The following RABGEF1 variants were observed in gnomAD, a reference collection of about 807,000 sequenced individuals.
RABGEF1 encodes the protein RAB guanine nucleotide exchange factor 1.
Under a neutral mutation model 57.3 loss-of-function variants are expected in RABGEF1, and 26 were observed. The ratio of observed to expected loss-of-function variants is 0.45; its 90% CI spans 0.33 to 0.63. The LOEUF (loss-of-function observed/expected upper bound fraction) is 0.63. Among genes scored for constraint, RABGEF1 ranks in the 20% least tolerant of loss-of-function variants. The pLI, the probability that RABGEF1 is intolerant of heterozygous loss-of-function variation, is 0.02. For synonymous variants in RABGEF1, 185 were observed against 210.7 expected (o/e 0.88, Z 1.06); for missense variants, 464 against 607.6 (o/e 0.76, Z 2.48).
intron 2 of RABGEF1, among the ~76,000 whole-genome samples, chr7:66,774,893 C>T (rs1303410840): frequency 2.6e-5 from 4 of 152,180 alleles, no homozygotes; most frequent in African/African-American, 9.7e-5. Context: ...AACTTTTACT[C>T]TCTGATGTAG....
At chr7:66,690,295 T>A (rs1791330066) in intron 1 of RABGEF1, among the ~76,000 whole-genome samples, 1 of 151,124 alleles carries the variant, frequency 6.6e-6, no homozygotes, top group African/African-American at 2.4e-5. Flanking sequence ...GAGATGGGGT[T>A]TCACCGTCTT....
intron 2 of RABGEF1, among the ~76,000 whole-genome samples, chr7:66,727,469 T>C (rs1380340148): frequency 3.9e-5 from 6 of 152,252 alleles, no homozygotes; most frequent in Admixed American, 3.3e-4. Flanking sequence ...AGCATTCTGC[T>C]CCTACCCTGC....
intron 4 of RABGEF1, among the ~76,000 whole-genome samples, chr7:66,794,973 T>C (rs907931869): frequency 5.3e-5 from 8 of 152,302 alleles, no homozygotes; most frequent in African/African-American, 1.7e-4. Context: ...AATACGTAGA[T>C]TTAGCAAAAA....
intron 7 of RABGEF1, 84 bp downstream of exon 7, chr7:66,799,498 A>G (rs1786794938): frequency 8.8e-7 from 1 of 1,136,278 alleles, no homozygotes; most frequent in South Asian, 1.4e-5. Flanking sequence ...ATACATTTGT[A>G]AAATGCAGAT....
At position 66,809,168 on chromosome 7, in the gene RABGEF1, G is replaced by A. The variant is rs749603235; in HGVS notation, c.1360G>A (p.Glu454Lys). 35 of 1,614,096 alleles carry A rather than the reference G, an allele frequency of 2.2e-5. No individual in the cohort carries two copies. Among genetic ancestry groups the A allele is most frequent in the Non-Finnish European group, 2.9e-5 (34 of 1,180,056 alleles). ...GIAREVQDIV[E>K]KYPLEIKPPN... ...TGCAAGAGAAGTTCAAGACATCGTTGAGAAATACCCACTGGAAATTAAGCC... is the reference window on the plus strand; with the variant it reads ...TGCAAGAGAAGTTCAAGACATCGTTAAGAAATACCCACTGGAAATTAAGCC... The change falls in exon 9 of 9, where the codon GAG becomes AAG. Residue 454 changes from glutamate to lysine, a missense_variant. By Grantham distance (56) the Glu-to-Lys change is moderately conservative. Around this residue, in one of 4 missense-constraint regions of RABGEF1, gnomAD observed 151 missense variants for 152.2 expected, o/e 0.99. Coordinates refer to ENST00000284957, the MANE Select transcript of RABGEF1 (RefSeq NM_014504.3).
chr7:66,682,709 C>G (rs1584584010), intron 1 of RABGEF1, among the ~76,000 whole-genome samples: 1 of 168 alleles, frequency 6.0e-3, no homozygotes, highest in Non-Finnish European at 0.014. Context: ...CCGGCCGCGG[C>G]AGGGCGCCGG....
At chr7:66,708,617 A>G (rs1462741172) in intron 1 of RABGEF1, among the ~76,000 whole-genome samples, 1 of 152,136 alleles carries the variant, frequency 6.6e-6, no homozygotes, top group Non-Finnish European at 1.5e-5. Flanking sequence ...CAGCTTGGGC[A>G]ACATAGGGAG....
At chr7:66,699,476 A>G (rs1792883540) in intron 1 of RABGEF1, among the ~76,000 whole-genome samples, 1 of 152,140 alleles carries the variant, frequency 6.6e-6, no homozygotes, top group Non-Finnish European at 1.5e-5. Context: ...GGACCACCTG[A>G]GGTCGGGAGT....
At chr7:66,689,453 G>T (rs921660064) in intron 1 of RABGEF1, among the ~76,000 whole-genome samples, 3 of 151,972 alleles carry the variant, frequency 2.0e-5, no homozygotes, top group African/African-American at 7.3e-5. Context: ...CAAATGAAAT[G>T]GCAAATCTCT....
intron 2 of RABGEF1, among the ~76,000 whole-genome samples, chr7:66,715,009 CTCT>C (rs1208242261): frequency 4.0e-5 from 6 of 151,876 alleles, no homozygotes; most frequent in South Asian, 2.1e-4. Flanking sequence ...CCTCCTCCTC[CTCT>C]TCTTCTTCCT....
intron 1 of RABGEF1, among the ~76,000 whole-genome samples, chr7:66,705,101 T>C (rs1793814610): frequency 6.6e-6 from 1 of 151,972 alleles, no homozygotes; most frequent in Admixed American, 6.6e-5. Context: ...CTTGCTGATA[T>C]ATGGAAAAGC....
the RABGEF1 span, among the ~76,000 whole-genome samples, chr7:66,671,840 C>G: frequency 8.1e-6 from 1 of 122,982 alleles, no homozygotes; most frequent in South Asian, 2.5e-4. Flanking sequence ...TTTTTTGAGT[C>G]AGCATCTTGC....
chr7:66,756,126 ATAG>A, intron 1 of RABGEF1: 1 of 1,182,886 alleles, frequency 8.5e-7, no homozygotes, highest in Non-Finnish European at 1.1e-6. Context: ...TCAAAAGAAA[ATAG>A]TAATGACATA....
At chr7:66,801,546 C>G (rs1787298367) in intron 7 of RABGEF1, among the ~76,000 whole-genome samples, 1 of 152,206 alleles carries the variant, frequency 6.6e-6, no homozygotes, top group African/African-American at 2.4e-5. Context: ...CCCTGCATTA[C>G]CCTTCCCAGC....
intron 1 of RABGEF1, among the ~76,000 whole-genome samples, chr7:66,769,314 T>G (rs1038948630): frequency 1.3e-5 from 2 of 152,238 alleles, no homozygotes; most frequent in Non-Finnish European, 2.9e-5. Context: ...CCCCAGCAAC[T>G]GCAGTCGCTG....
chr7:66,734,358 TGTGTATTCTGG>T (rs1355118335), intron 2 of RABGEF1, among the ~76,000 whole-genome samples: 6 of 152,192 alleles, frequency 3.9e-5, no homozygotes, highest in African/African-American at 1.4e-4. Context: ...ACCTCCTAGC[TGTGTATTCTGG>T]GTAAGATGCT....
In RABGEF1 at chr7:66,775,363, A is replaced by G; in HGVS notation, c.316A>G (p.Ser106Gly). 6.2e-7 allele frequency: 1 copy of G among 1,613,966 alleles called. No homozygotes were observed. Among genetic ancestry groups the G allele is most frequent in the Non-Finnish European group, 8.5e-7 (1 of 1,179,836 alleles). The stretch of plus-strand genomic sequence containing the variant: ...GGTTACCACAGTGAAGAAATTCTTC[A>G]GTGCATCTTCCAGGGTCGGATCAAA... ...RKVTTVKKFF[S>G]ASSRVGSKKE... Residue 106 changes from serine (S) to glycine (G), a missense_variant, in exon 3 of 9, where the codon AGT becomes GGT. Physicochemically the swap from Ser to Gly is moderately conservative, Grantham distance 56 (BLOSUM62 0). Around this residue, in one of 4 missense-constraint regions of RABGEF1, gnomAD observed 284 missense variants for 389.9 expected, o/e 0.73. Transcript: ENST00000284957.
the RABGEF1 span, among the ~76,000 whole-genome samples, chr7:66,655,532 G>GT: frequency 6.6e-6 from 1 of 152,142 alleles, no homozygotes; most frequent in Non-Finnish European, 1.5e-5. Flanking sequence ...GAACTGCTTT[G>GT]TTTTTCTTTA....
upstream of RABGEF1, among the ~76,000 whole-genome samples, chr7:66,737,644 CCT>C (rs1364870665): frequency 3.9e-5 from 6 of 152,254 alleles, no homozygotes; most frequent in South Asian, 2.1e-4. Flanking sequence ...TTTTAAAAAA[CCT>C]CTGTTGTTCC....
Sources: allele counts gnomAD v4.1 joint callset (sites outside exome capture counted in the v4.1 genomes callset), GRCh38; gene constraint gnomAD v4.1.1; regional missense constraint gnomAD v4.1.1; transcripts MANE v1.5; gene names NCBI Gene and HGNC (gene_info 2026-07-23, HGNC 2026-07-21).